The following RGS22 variants were observed in gnomAD, a reference collection of about 807,000 sequenced individuals.
The protein encoded by RGS22 is regulator of G-protein signaling 22.
Under a neutral mutation model 172.9 loss-of-function variants are expected in RGS22, and 148 were observed. The observed-to-expected ratio is 0.86, with a 90% CI of 0.75 to 0.98. RGS22 has a LOEUF of 0.98. Among genes scored for constraint, RGS22 ranks in the 50% least tolerant of loss-of-function variants. The pLI is 0.00. For synonymous variants in RGS22, 458 were observed against 480.2 expected (o/e 0.95, Z 0.60); for missense variants, 1,347 against 1,440.8 (o/e 0.93, Z 1.05).
At chr8:100,000,999 C>T (rs1447736505) in intron 18 of RGS22, among the ~76,000 whole-genome samples, 1 of 150,862 alleles carries the variant, frequency 6.6e-6, no homozygotes, top group African/African-American at 2.4e-5. Flanking sequence ...TTAATATATA[C>T]CATTAGAACA....
At chr8:100,078,139 A>G (rs1811490555) in intron 4 of RGS22, among the ~76,000 whole-genome samples, 1 of 152,150 alleles carries the variant, frequency 6.6e-6, no homozygotes, top group Non-Finnish European at 1.5e-5. Context: ...TCTTGTAGAC[A>G]GCAAATAATT....
chr8:100,086,665 C>T (rs918576582), intron 3 of RGS22, among the ~76,000 whole-genome samples: 25 of 152,034 alleles, frequency 1.6e-4, no homozygotes, highest in African/African-American at 5.8e-4. Context: ...ACGCAATATA[C>T]CCAGGTAACA....
Position 99,980,375 on chromosome 8 carries a change from A to T in RGS22, c.3360+1562T>A, listed in dbSNP as rs190808283. 2.4e-4 allele frequency among the ~76,000 whole-genome samples: 36 copies of T among 152,352 alleles called. 1 individual carries two copies. The South Asian group carries it at 2.9e-3, about 12-fold the overall frequency. On this transcript the variant is annotated intron_variant, in intron 22 of 27. Transcript: ENST00000360863. ...TAATACATTATGAGTCATGTTGCAG[A>T]TCTAAAGTGAGGTAGTTGAGTGGAG...
rs765402700 is a variant in RGS22, at chr8:100,052,850, G to A, written c.1641C>T (p.Leu547=). The part of the protein sequence containing the change: ...DIDPFPQMAT[L]LPLRPKSCIP... ...TGCAAGATTTGGGTCTTAATGGCAAGAGGGTTGCCATTTGTGGAAAAGGGT... is the reference window on the plus strand; with the variant it reads ...TGCAAGATTTGGGTCTTAATGGCAAAAGGGTTGCCATTTGTGGAAAAGGGT... Residue 547 remains leucine, a synonymous_variant, in exon 10 of 28, where the codon CTC becomes CTT. Transcript: ENST00000360863. 2 of 1,614,048 alleles carry A rather than the reference G, an allele frequency of 1.2e-6. No homozygotes were observed. Among genetic ancestry groups the A allele is most frequent in the Admixed American group, 1.7e-5 (1 of 60,018 alleles).
At chr8:100,042,042 GA>G in intron 11 of RGS22, 126 bp from the exon 12 acceptor site, 25 of 568,872 alleles carry the variant, frequency 4.4e-5, no homozygotes, top group East Asian at 6.1e-5. Flanking sequence ...TGTGACTCAG[GA>G]AAAAAAGGAT....
chr8:100,048,154 A>C (rs1191329033), intron 10 of RGS22, among the ~76,000 whole-genome samples: 1 of 152,154 alleles, frequency 6.6e-6, no homozygotes, highest in Non-Finnish European at 1.5e-5. Flanking sequence ...AGAATATGAG[A>C]TGCATGGATT....
chr8:100,026,293 A>C (rs1314046966), intron 14 of RGS22, among the ~76,000 whole-genome samples: 1 of 152,252 alleles, frequency 6.6e-6, no homozygotes, highest in African/African-American at 2.4e-5. Flanking sequence ...ACCTAGGGCC[A>C]GAGAGGATAA....
At chr8:100,071,308 A>C in intron 6 of RGS22, 61 bp downstream of exon 6, 2 of 1,398,900 alleles carry the variant, frequency 1.4e-6, no homozygotes, top group Non-Finnish European at 1.9e-6. Flanking sequence ...GTATAAAATA[A>C]AAAATAAAAT....
In RGS22 at chr8:100,080,043, T is replaced by C. The variant is rs756277164; in HGVS notation, c.339+91A>G. 2.8e-4 allele frequency: 244 copies of C among 885,140 alleles called. 2 individuals carry two copies. Among genetic ancestry groups the C allele is most frequent in the Non-Finnish European group, 4.3e-5 (24 of 562,336 alleles). The allele number at this position is 885,140 out of a possible 1,614,324, so 54.8% of individuals were successfully genotyped here. The stretch of plus-strand genomic sequence containing the variant: ...TACAACACAAGCTAATAAATGTAGC[T>C]ACACTTCAAAAAGGGAAGCCTAAGT... On this transcript the variant is annotated intron_variant, in intron 4 of 27. Coordinates refer to ENST00000360863, the MANE Select transcript of RGS22 (RefSeq NM_015668.5).
intron 23 of RGS22, among the ~76,000 whole-genome samples, chr8:99,970,189 A>G (rs1811184726): frequency 6.6e-6 from 1 of 152,216 alleles, no homozygotes; most frequent in African/African-American, 2.4e-5. Context: ...ACCAATGAGA[A>G]CAAAGACACA....
In RGS22 at chr8:100,057,609, T is replaced by C. The variant is rs2131740797; in HGVS notation, c.1515-4633A>G. Among the ~76,000 whole-genome samples the C allele has an allele frequency of 2.0e-5, 3 of 151,790 alleles. 1 individual carries two copies. The South Asian group carries it at 6.3e-4, about 32-fold the overall frequency. Reference sequence around the variant, plus strand: ...AGATCTGATTTTTATAAATGGGAGGTCCCCTGCACAAGCTGTCTTGCCTGC... The same window carrying C: ...AGATCTGATTTTTATAAATGGGAGGCCCCCTGCACAAGCTGTCTTGCCTGC... On this transcript the variant is annotated intron_variant, in intron 9 of 27. Coordinates refer to ENST00000360863, the MANE Select transcript of RGS22 (RefSeq NM_015668.5).
chr8:100,099,849 G>A (rs1351409560), intron 2 of RGS22, among the ~76,000 whole-genome samples: 3 of 152,220 alleles, frequency 2.0e-5, no homozygotes, highest in African/African-American at 4.8e-5. Flanking sequence ...AAGAACAGGA[G>A]AACGTAGGGG....
At chr8:100,072,102 A>T in intron 5 of RGS22, 43 bp downstream of exon 5, 1 of 1,157,960 alleles carries the variant, frequency 8.6e-7, no homozygotes, top group Non-Finnish European at 1.3e-6. Context: ...GGAGGCTAAT[A>T]TATATGTATT....
intron 2 of RGS22, among the ~76,000 whole-genome samples, chr8:100,102,409 C>T (rs553105108): frequency 6.6e-6 from 1 of 152,232 alleles, no homozygotes; most frequent in South Asian, 2.1e-4. Flanking sequence ...ACTACAGGTC[C>T]GTGACACATT....
rs114152110 is a variant in RGS22, at chr8:99,999,546, G to A, written c.2791-126C>T. 3,399 of 844,916 alleles carry A rather than the reference G, an allele frequency of 4.0e-3. 59 individuals are homozygous for A. In the African/African-American group the frequency reaches 0.048, roughly 12 times the overall value. The allele number at this position is 844,916 out of a possible 1,614,324, so 52.3% of individuals were successfully genotyped here. On this transcript the variant is annotated intron_variant, in intron 18 of 27. Coordinates refer to ENST00000360863, the MANE Select transcript of RGS22 (RefSeq NM_015668.5). The stretch of plus-strand genomic sequence containing the variant: ...TGAGGGGTGCCAATTTTCATTTTCT[G>A]TATAACATCTCCTGGCTATACTGAG...
chr8:99,992,009 C>T (rs1813786106), intron 20 of RGS22, among the ~76,000 whole-genome samples: 1 of 152,112 alleles, frequency 6.6e-6, no homozygotes. Flanking sequence ...TCATATCCAG[C>T]CAAACTAAGC....
At chr8:100,021,308 C>A (rs878917664) in intron 14 of RGS22, among the ~76,000 whole-genome samples, 2 of 152,032 alleles carry the variant, frequency 1.3e-5, no homozygotes, top group Admixed American at 6.6e-5. Flanking sequence ...TAAAGCTGAA[C>A]CAGAAGAGGA....
chr8:100,093,510 CT>C lies in RGS22; in HGVS notation c.55-2del. On this transcript the variant is annotated splice_acceptor_variant, in intron 2 of 27. Coordinates refer to ENST00000360863, the MANE Select transcript of RGS22 (RefSeq NM_015668.5). LOFTEE classifies it high-confidence loss of function. Reference sequence around the variant, plus strand: ...AATCATCTGTTGCCAGAGAATCTTCCTGCAAAAAAAAAACATAAAAACACAG... The same window carrying C: ...AATCATCTGTTGCCAGAGAATCTTCCGCAAAAAAAAAACATAAAAACACAG... The C allele has an allele frequency of 6.3e-7, 1 of 1,580,598 alleles. No homozygotes were observed. Among genetic ancestry groups the C allele is most frequent in the East Asian group, 2.2e-5 (1 of 44,510 alleles).
Position 100,037,162 on chromosome 8 carries a change from G to A in RGS22, c.2166+1769C>T, listed in dbSNP as rs116424008. 6.1e-3 allele frequency among the ~76,000 whole-genome samples: 927 copies of A among 152,176 alleles called. 11 individuals are homozygous for A. The highest frequency in any genetic ancestry group is 0.021 in the African/African-American group (881 of 41,506). On this transcript the variant is annotated intron_variant, in intron 14 of 27. Coordinates refer to ENST00000360863, the MANE Select transcript of RGS22 (RefSeq NM_015668.5). ...AACCAAAAAAATAAAGTTGGGCATG[G>A]TGGTGCATGCCTGTAATCCCAGCAC...
Sources: gnomAD v4.1 joint callset for allele counts (sites outside exome capture counted in the v4.1 genomes callset) on GRCh38, gnomAD v4.1.1 for gene constraint, MANE v1.5 for transcripts, NCBI Gene and HGNC (gene_info 2026-07-23, HGNC 2026-07-21) for gene names.